The following MDGA2 variants were observed in gnomAD, a reference collection of about 807,000 sequenced individuals.
MDGA2 encodes the protein MAM domain-containing glycosylphosphatidylinositol anchor protein 2.
Under a neutral mutation model 117.8 loss-of-function variants are expected in MDGA2, and 40 were observed. The ratio of observed to expected loss-of-function variants is 0.34; its 90% CI spans 0.26 to 0.44. The LOEUF is 0.44. MDGA2 is among the 20% of genes least tolerant of loss of function. The pLI, the probability that MDGA2 is intolerant of heterozygous loss-of-function variation, is 1.00. For synonymous variants in MDGA2, 452 were observed against 439.0 expected (o/e 1.03, Z -0.37); for missense variants, 1,123 against 1,250.6 (o/e 0.90, Z 1.54).
chr14:47,600,935 T>C (rs1243985152), intron 1 of MDGA2, among the ~76,000 whole-genome samples: 1 of 152,190 alleles, frequency 6.6e-6, no homozygotes, highest in African/African-American at 2.4e-5. Flanking sequence ...ATGCTGTTAA[T>C]ATAGCACTTT....
intron 2 of MDGA2, among the ~76,000 whole-genome samples, chr14:47,243,846 A>G (rs1887151358): frequency 6.6e-6 from 1 of 151,832 alleles, no homozygotes; most frequent in East Asian, 1.9e-4. Flanking sequence ...GCGACTGGCA[A>G]CCAATGGTGA....
Position 47,154,713 on chromosome 14 carries a change from C to CA in MDGA2, c.596-10440dup, listed in dbSNP as rs1883299672. Among the ~76,000 whole-genome samples the CA allele has an allele frequency of 2.0e-5, 3 of 152,300 alleles. No homozygotes were observed. The South Asian group carries it at 6.2e-4, about 32-fold the overall frequency. On this transcript the variant is annotated intron_variant, in intron 3 of 16. Coordinates refer to ENST00000399232, the MANE Select transcript of MDGA2 (RefSeq NM_001113498.3). ...CCCACCTCCGGACTTTAGGTAGTGA[C>CA]AAGTACAGCAGAGAGGCCAAGATGG...
intron 1 of MDGA2, among the ~76,000 whole-genome samples, chr14:47,592,786 G>GA (rs2138861785): frequency 6.6e-6 from 1 of 152,168 alleles, no homozygotes; most frequent in Non-Finnish European, 1.5e-5. Flanking sequence ...AAAAACCCTG[G>GA]AAAAATAATC....
rs185683776 is a variant in MDGA2 at position 47,048,158 on chromosome 14, C to A, written c.1526-12854G>T. ...ATCTACTCCTCCCTTACAAGGATAA[C>A]AAAATGTCAGTGCTGTCCATTTTTA... On this transcript the variant is annotated intron_variant, in intron 7 of 16. Transcript: ENST00000399232. 3.7e-3 allele frequency among the ~76,000 whole-genome samples: 566 copies of A among 152,102 alleles called. 2 individuals are homozygous for A. Among genetic ancestry groups the A allele is most frequent in the Non-Finnish European group, 7.2e-3 (486 of 67,948 alleles).
intron 1 of MDGA2, among the ~76,000 whole-genome samples, chr14:47,355,703 G>C (rs564347230): frequency 6.6e-6 from 1 of 152,136 alleles, no homozygotes; most frequent in East Asian, 1.9e-4. Flanking sequence ...GAGAGAGGAC[G>C]GCTGTCATCC....
chr14:46,855,286 C>G lies in MDGA2; in HGVS notation c.2753-132G>C. The G allele has an allele frequency of 1.6e-6, 1 of 616,608 alleles. No individual in the cohort carries two copies. The highest frequency in any genetic ancestry group is 2.7e-6 in the Non-Finnish European group (1 of 374,462). The allele number at this position is 616,608 out of a possible 1,614,324, so 38.2% of individuals were successfully genotyped here. On this transcript the variant is annotated intron_variant, in intron 14 of 16. Coordinates refer to ENST00000399232, the MANE Select transcript of MDGA2 (RefSeq NM_001113498.3). This position sits in a 1 kb window ranked among gnomAD's most constrained non-coding sequence, Gnocchi z 4.1. ...CTCTAGTGTCTTGTCCTCTCTTCTC[C>G]TCTCATTTCCTATCTTGCTCTTATG...
chr14:47,177,485 G>C (rs1884516469), intron 3 of MDGA2, among the ~76,000 whole-genome samples: 1 of 152,178 alleles, frequency 6.6e-6, no homozygotes, highest in Non-Finnish European at 1.5e-5. Context: ...AAAATGATGA[G>C]TTCATGTCCT....
intron 8 of MDGA2, among the ~76,000 whole-genome samples, chr14:47,017,360 G>A (rs1381717908): frequency 1.3e-5 from 2 of 151,014 alleles, no homozygotes; most frequent in African/African-American, 2.4e-5. Flanking sequence ...TGTCTTTAGT[G>A]AGAGATATAA....
intron 1 of MDGA2, among the ~76,000 whole-genome samples, chr14:47,385,074 A>G (rs1891727119): frequency 6.6e-6 from 1 of 152,180 alleles, no homozygotes. Context: ...CAAACAGTCT[A>G]TGAGCCCTAG....
intron 16 of MDGA2, among the ~76,000 whole-genome samples, chr14:46,845,176 C>G (rs1219551076): frequency 6.6e-6 from 1 of 152,184 alleles, no homozygotes; most frequent in African/African-American, 2.4e-5. Context: ...AGCCACCGCG[C>G]CCGGCCGATC....
intron 5 of MDGA2, among the ~76,000 whole-genome samples, chr14:47,104,353 G>A (rs141235388): frequency 7.4e-5 from 11 of 147,886 alleles, no homozygotes; most frequent in South Asian, 4.3e-4. Context: ...GTAAATGGCC[G>A]GTCCTTGCCT....
At position 47,117,445 on chromosome 14, in the gene MDGA2, G is replaced by C. The variant is rs1219150306; in HGVS notation, c.925+14269C>G. Among the ~76,000 whole-genome samples the C allele has an allele frequency of 3.3e-5, 5 of 152,120 alleles. No individual in the cohort carries two copies. The East Asian group carries it at 9.6e-4, about 29-fold the overall frequency. On this transcript the variant is annotated intron_variant, in intron 5 of 16. Coordinates refer to ENST00000399232, the MANE Select transcript of MDGA2 (RefSeq NM_001113498.3). ...AAATCAGGATCTCAAAGATATATTA[G>C]GATTCCTATATTCACTGCAGCTCTG...
chr14:47,043,846 T>C (rs1275440723), intron 7 of MDGA2, among the ~76,000 whole-genome samples: 2 of 152,140 alleles, frequency 1.3e-5, no homozygotes, highest in African/African-American at 4.8e-5. Context: ...CAACCAATGA[T>C]TGTTACATTC....
At chr14:47,225,570 C>T (rs1356758585) in intron 2 of MDGA2, among the ~76,000 whole-genome samples, 2 of 150,908 alleles carry the variant, frequency 1.3e-5, no homozygotes, top group Non-Finnish European at 2.9e-5. Context: ...GGACAAAAAA[C>T]CAAACACCGC....
chr14:46,968,144 G>C (rs1186236296), intron 8 of MDGA2, among the ~76,000 whole-genome samples: 1 of 152,174 alleles, frequency 6.6e-6, no homozygotes, highest in Non-Finnish European at 1.5e-5. Flanking sequence ...GCTGGCCAAG[G>C]TGGAGGGCAG....
chr14:46,992,032 T>G (rs1050940209), intron 8 of MDGA2, among the ~76,000 whole-genome samples: 3 of 152,102 alleles, frequency 2.0e-5, no homozygotes, highest in African/African-American at 7.2e-5. Context: ...AACTCATAAT[T>G]TCATGATTTA....
intron 9 of MDGA2, among the ~76,000 whole-genome samples, chr14:46,936,921 G>A (rs1362158799): frequency 1.3e-5 from 2 of 151,774 alleles, no homozygotes; most frequent in South Asian, 2.1e-4. Context: ...CTTATTCAAC[G>A]CAGTACTAGA....
intron 1 of MDGA2, among the ~76,000 whole-genome samples, chr14:47,458,005 A>ACTT (rs2138585296): frequency 1.1e-5 from 1 of 91,388 alleles, no homozygotes; most frequent in African/African-American, 3.2e-5. Flanking sequence ...TGTCTTCCCC[A>ACTT]TATTTTTTTT....
intron 1 of MDGA2, among the ~76,000 whole-genome samples, chr14:47,429,759 G>A (rs1566452417): frequency 6.6e-6 from 1 of 151,726 alleles, no homozygotes; most frequent in African/African-American, 2.4e-5. Context: ...AGGACAAATC[G>A]GTGAAAAAGA....
Sources: allele counts gnomAD v4.1 joint callset (sites outside exome capture counted in the v4.1 genomes callset), GRCh38; gene constraint gnomAD v4.1.1; non-coding constraint Gnocchi (gnomAD v3.1); transcripts MANE v1.5; gene names NCBI Gene and HGNC (gene_info 2026-07-23, HGNC 2026-07-21).